The following SLA2 variants were observed in gnomAD, a reference collection of about 807,000 sequenced individuals.
The protein encoded by SLA2 is src-like-adapter 2.
SLA2 carries 22 observed loss-of-function variants against 27.3 expected under a neutral mutation model. The ratio of observed to expected loss-of-function variants is 0.81; its 90% CI spans 0.58 to 1.15. SLA2 has a LOEUF of 1.15. SLA2 is among the 50% of genes most tolerant of loss of function. The probability of loss-of-function intolerance (pLI) is 0.00; values close to 1 mark genes in which losing one functional copy is unlikely to be tolerated. For missense variants in SLA2, 304 were observed against 322.2 expected, an observed-to-expected ratio of 0.94 and a Z score of 0.43; for synonymous variants, 131 against 137.8, an observed-to-expected ratio of 0.95 and a Z score of 0.34.
chr20:36,639,619 C>A (rs1014589303), intron 2 of SLA2, among the ~76,000 whole-genome samples: 3 of 151,568 alleles, frequency 2.0e-5, no homozygotes, highest in Admixed American at 6.6e-5. Context: ...TTTGGGAGGC[C>A]GAGGTGGGTG....
chr20:36,616,980 G>A (rs2039219721), intron 5 of SLA2, among the ~76,000 whole-genome samples: 1 of 152,036 alleles, frequency 6.6e-6, no homozygotes. Context: ...AACCCAGGAG[G>A]CAGAGGTTGC....
intron 5 of SLA2, among the ~76,000 whole-genome samples, chr20:36,626,879 A>G (rs2039344701): frequency 6.6e-6 from 1 of 152,094 alleles, no homozygotes; most frequent in Non-Finnish European, 1.5e-5. Flanking sequence ...AAAAGAGATA[A>G]ACCTATTATA....
intron 5 of SLA2, among the ~76,000 whole-genome samples, chr20:36,628,715 TAAAAA>T (rs111840158): frequency 1.3e-5 from 2 of 149,708 alleles, no homozygotes; most frequent in Non-Finnish European, 2.9e-5. Flanking sequence ...CTAGCTAACT[TAAAAA>T]AAAATTTTTT....
chr20:36,623,583 C>G (rs971806971), intron 5 of SLA2, among the ~76,000 whole-genome samples: 2 of 151,994 alleles, frequency 1.3e-5, no homozygotes, highest in Non-Finnish European at 2.9e-5. Context: ...GTGTATTGAC[C>G]CCAGTAGGGT....
rs1172988231 is a variant in SLA2 at position 36,613,825 on chromosome 20, G to A, written c.*41C>T. ...CCCAGGAGGCTGAATTGGGGTTCTA[G>A]GTGTGCAGCCTTGGTTTCCCTTTTG... On this transcript the variant is annotated 3_prime_UTR_variant, in exon 8 of 8. Transcript: ENST00000262866. 1 of 1,398,062 alleles carries A rather than the reference G, an allele frequency of 7.2e-7. No individual in the cohort carries two copies. Among genetic ancestry groups the A allele is most frequent in the African/African-American group, 1.5e-5 (1 of 68,056 alleles). 86.6% of individuals were successfully genotyped at this position (1,398,062 alleles called of 1,614,324 possible). A position where few individuals can be genotyped will look rare whatever the true frequency, so the allele number is the denominator to read the frequency against.
chr20:36,635,639 C>T (rs1730169924), intron 2 of SLA2, among the ~76,000 whole-genome samples: 1 of 152,052 alleles, frequency 6.6e-6, no homozygotes, highest in South Asian at 2.1e-4. Context: ...GGGGTCTGTC[C>T]TCTGAGGTCT....
At chr20:36,615,422 CG>C (rs1227577371) in intron 5 of SLA2, 48 bp from the exon 6 acceptor site, 38 of 1,609,024 alleles carry the variant, frequency 2.4e-5, no homozygotes, top group Non-Finnish European at 3.1e-5. Flanking sequence ...TGCTGGGACT[CG>C]GCCCCACCTA....
chr20:36,615,263 G>A lies in SLA2; in HGVS notation c.494C>T (p.Thr165Ile), dbSNP rs1193054212. ...CACCAGGGCCTGGAGTGAGGGGAAGGTGAGGCGCGGTGAGATGTACAGCCA... is the reference window on the plus strand; with the variant it reads ...CACCAGGGCCTGGAGTGAGGGGAAGATGAGGCGCGGTGAGATGTACAGCCA... Reference protein sequence around the residue: ...NGWLYISPRLTFPSLQALVDH... With the variant: ...NGWLYISPRLIFPSLQALVDH... Residue 165 changes from threonine to isoleucine, a missense_variant, in exon 6 of 8, where the codon ACC becomes ATC. By Grantham distance (89) the Thr-to-Ile change is moderately conservative. Transcript: ENST00000262866. 6.2e-7 allele frequency: 1 copy of A among 1,614,056 alleles called. No homozygotes were observed.
intron 5 of SLA2, among the ~76,000 whole-genome samples, chr20:36,629,936 C>CAA (rs1235657565): frequency 5.7e-5 from 7 of 122,810 alleles, no homozygotes; most frequent in East Asian, 2.4e-4. Flanking sequence ...GACTCTGTCT[C>CAA]AAAAAAAAAA....
chr20:36,639,396 T>TACACACACACACACACAC (rs72401143), intron 2 of SLA2, among the ~76,000 whole-genome samples: 1 of 146,742 alleles, frequency 6.8e-6, no homozygotes, highest in Non-Finnish European at 1.5e-5. Flanking sequence ...AAAAAATCTC[T>TACACACACACACACACAC]ACACACACAC....
intron 1 of SLA2, among the ~76,000 whole-genome samples, chr20:36,642,248 G>C (rs1191351080): frequency 2.2e-5 from 1 of 45,552 alleles, no homozygotes; most frequent in Non-Finnish European, 4.4e-5. Context: ...TTAGGGGACT[G>C]ACTGTTGAGC....
In SLA2 at chr20:36,612,944, G is replaced by C. The variant is rs2039158331; in HGVS notation, c.*922C>G. The C allele has an allele frequency of 6.5e-6, 1 of 152,978 alleles. No homozygotes were observed. The highest frequency in any genetic ancestry group is 2.4e-5 in the African/African-American group (1 of 41,480). The allele number at this position is 152,978 out of a possible 1,614,324, so 9.5% of individuals were successfully genotyped here. ...TAGAGATCTGAGAGCTAGGCTGGGT[G>C]CCGTGGCTCACACCTGTAATCCCAG... On this transcript the variant is annotated 3_prime_UTR_variant, in exon 8 of 8. Coordinates refer to ENST00000262866, the MANE Select transcript of SLA2 (RefSeq NM_032214.4).
chr20:36,642,883 T>A (rs1252605770), intron 1 of SLA2, among the ~76,000 whole-genome samples: 1 of 151,896 alleles, frequency 6.6e-6, no homozygotes, highest in East Asian at 1.9e-4. Context: ...CCGCACCCGG[T>A]CCTTTTTTCT....
chr20:36,612,790 T>C lies in SLA2; in HGVS notation c.*1076A>G, dbSNP rs2039155235. On this transcript the variant is annotated 3_prime_UTR_variant, in exon 8 of 8. Transcript: ENST00000262866. ...TGTGGAGAGAGGGCTTAGCACCTTC[T>C]GATGCCCCTGCCCAGCACTGAGGTG... 5.8e-6 allele frequency: 1 copy of C among 173,296 alleles called. No homozygotes were observed. The highest frequency in any genetic ancestry group is 1.3e-5 in the Non-Finnish European group (1 of 78,876). The allele number at this position is 173,296 out of a possible 1,614,324, so 10.7% of individuals were successfully genotyped here.
intron 1 of SLA2, among the ~76,000 whole-genome samples, chr20:36,644,717 A>G (rs1238787730): frequency 1.3e-5 from 2 of 152,198 alleles, no homozygotes; most frequent in Non-Finnish European, 2.9e-5. Context: ...TATTAGCCGC[A>G]CATTTTGTAA....
Position 36,613,642 on chromosome 20 carries a change from C to T in SLA2, c.*224G>A, listed in dbSNP as rs527969610. ...CCTGGCCCTGGTCCCACCTTCTCTG[C>T]ACTCGCACTAGAGGTCGCAGGTGGG... On this transcript the variant is annotated 3_prime_UTR_variant, in exon 8 of 8. Coordinates refer to ENST00000262866, the MANE Select transcript of SLA2 (RefSeq NM_032214.4). 7 of 486,492 alleles carry T rather than the reference C, an allele frequency of 1.4e-5. No homozygotes were observed. The Admixed American group carries it at 1.9e-4, about 13-fold the overall frequency. 30.1% of individuals were successfully genotyped at this position (486,492 alleles called of 1,614,324 possible).
chr20:36,613,766 C>T lies in SLA2; in HGVS notation c.*100G>A. 1.5e-5 allele frequency: 7 copies of T among 464,908 alleles called. 1 individual carries two copies. Among genetic ancestry groups the T allele is most frequent in the Non-Finnish European group, 2.4e-5 (6 of 246,280 alleles). The allele number at this position is 464,908 out of a possible 1,614,324, so 28.8% of individuals were successfully genotyped here. A position where few individuals can be genotyped will look rare whatever the true frequency, so the allele number is the denominator to read the frequency against. On this transcript the variant is annotated 3_prime_UTR_variant, in exon 8 of 8. Transcript: ENST00000262866. The stretch of plus-strand genomic sequence containing the variant: ...TAGATGCACCTCTGTGTCCCACCCT[C>T]CCTCCCTGAGTGCACAGCCTTGCCT...
intron 1 of SLA2, among the ~76,000 whole-genome samples, chr20:36,644,306 A>G (rs1978285963): frequency 6.6e-6 from 1 of 152,118 alleles, no homozygotes; most frequent in African/African-American, 2.4e-5. Flanking sequence ...ATGAGTGCCC[A>G]CTTGAACCTG....
At chr20:36,624,821 C>T (rs1037473189) in intron 5 of SLA2, among the ~76,000 whole-genome samples, 7 of 152,214 alleles carry the variant, frequency 4.6e-5, no homozygotes, top group African/African-American at 9.6e-5. Flanking sequence ...TAGCTGAAGA[C>T]GGAGTGCTGT....
Sources: allele counts gnomAD v4.1 joint callset (sites outside exome capture counted in the v4.1 genomes callset), GRCh38; gene constraint gnomAD v4.1.1; transcripts MANE v1.5; gene names NCBI Gene and HGNC (gene_info 2026-07-23, HGNC 2026-07-21).